PRKD2: variants seen among roughly 807,000 people sequenced by gnomAD.
PRKD2 encodes the protein protein kinase D2.
In PRKD2, 22 loss-of-function variants were observed where a neutral mutation model predicts 86.0. The observed-to-expected ratio is 0.26, with a 90% confidence interval of 0.18 to 0.37. PRKD2 has a LOEUF of 0.37. Ranked by LOEUF, PRKD2 falls within the 10% of genes least tolerant of loss-of-function variation. PRKD2 has a pLI of 1.00. For missense variants in PRKD2, 818 were observed against 1,199.2 expected (o/e 0.68, Z 4.70); for synonymous variants, 509 against 510.9 (o/e 1.00, Z 0.05).
intron 9 of PRKD2, among the ~76,000 whole-genome samples, chr19:46,694,580 G>A (rs1279300731): frequency 2.0e-5 from 3 of 152,124 alleles, no homozygotes; most frequent in Admixed American, 1.3e-4. Context: ...GGGCGACAGA[G>A]TGAGATTCCG....
chr19:46,711,727 CA>C (rs2053811895), intron 2 of PRKD2, among the ~76,000 whole-genome samples: 1 of 151,958 alleles, frequency 6.6e-6, no homozygotes, highest in Admixed American at 6.6e-5. Flanking sequence ...TATATTTTAC[CA>C]AATTAAAAAA....
In PRKD2 at chr19:46,704,638, T is replaced by G. The variant is rs763806947; in HGVS notation, c.523A>C (p.Asn175His). 6.2e-7 allele frequency: 1 copy of G among 1,607,146 alleles called. No homozygotes were observed. Among genetic ancestry groups the G allele is most frequent in the Non-Finnish European group, 8.5e-7 (1 of 1,175,850 alleles). ...QGLKCDGCGL[N>H]YHKRCAFSIP... ...CTGAAGGCACAGCGCTTGTGGTAGT[T>G]CAGCCCGCAGCCTGCAGGGGGCGCC... is the stretch of plus-strand genomic sequence containing the variant. Residue 175 changes from asparagine to histidine, a missense_variant, in exon 4 of 18, where the codon AAC (asparagine) becomes CAC (histidine). By Grantham distance (68) the Asn-to-His change is moderately conservative (BLOSUM62 1). Around this residue, in one of 5 missense-constraint regions of PRKD2, gnomAD observed 403 missense variants for 518.6 expected, o/e 0.78. Transcript: ENST00000291281.
intron 14 of PRKD2, 89 bp from the exon 15 acceptor site, chr19:46,681,837 T>C (rs1568715558): frequency 1.5e-6 from 1 of 657,350 alleles, no homozygotes; most frequent in East Asian, 3.0e-5. Context: ...AACCCATCCA[T>C]ACTTTTTTTT....
At chr19:46,690,438 C>T (rs1240303974) in intron 13 of PRKD2, among the ~76,000 whole-genome samples, 162 bp downstream of exon 13, 2 of 152,202 alleles carry the variant, frequency 1.3e-5, no homozygotes, top group East Asian at 1.9e-4. Flanking sequence ...TCCCTCTCAC[C>T]AGGTCTTTGT....
Position 46,681,645 on chromosome 19 carries a change from C to T in PRKD2, c.2070+5G>A, listed in dbSNP as rs1268056526. 7.3e-7 allele frequency: 1 copy of T among 1,363,802 alleles called. No individual in the cohort carries two copies. Among genetic ancestry groups the T allele is most frequent in the Non-Finnish European group, 9.9e-7 (1 of 1,014,854 alleles). 84.5% of individuals were successfully genotyped at this position (1,363,802 alleles called of 1,614,324 possible). On this transcript the variant is annotated splice_donor_5th_base_variant and intron_variant, in intron 15 of 17. Coordinates refer to ENST00000291281, the MANE Select transcript of PRKD2 (RefSeq NM_016457.5). ...TTCCCCAAATCAGGAGGGGACATAA[C>T]TGACCTGAGGAAATGGGTCTGCTGA...
rs1363153384 is a variant in PRKD2 at position 46,704,798 on chromosome 19, C to T, written c.512-149G>A. ...ATCTCCTCCAAAAGGCACTACTATC[C>T]GTAAGTGTATCAGCCCCTTCAGGCC... On this transcript the variant is annotated intron_variant, in intron 3 of 17. Transcript: ENST00000291281. The T allele has an allele frequency of 6.5e-6, 7 of 1,075,614 alleles. No individual in the cohort carries two copies. The Admixed American group carries it at 8.7e-5, about 13-fold the overall frequency. The allele number at this position is 1,075,614 out of a possible 1,614,324, so 66.6% of individuals were successfully genotyped here. A position where few individuals can be genotyped will look rare whatever the true frequency, so the allele number is the denominator to read the frequency against.
At chr19:46,709,870 A>G (rs1352264827) in intron 3 of PRKD2, among the ~76,000 whole-genome samples, 1 of 150,982 alleles carries the variant, frequency 6.6e-6, no homozygotes, top group African/African-American at 2.4e-5. Flanking sequence ...GATAGGATGG[A>G]TTTTTTTTTC....
intron 15 of PRKD2, 125 bp downstream of exon 15, chr19:46,681,525 T>G (rs2053306475): frequency 1.5e-6 from 1 of 676,530 alleles, no homozygotes; most frequent in South Asian, 1.9e-5. Flanking sequence ...CTCAAAATGC[T>G]GATTACAGGC....
chr19:46,688,171 T>A (rs1242511351), intron 14 of PRKD2, among the ~76,000 whole-genome samples: 1 of 152,116 alleles, frequency 6.6e-6, no homozygotes, highest in African/African-American at 2.4e-5. Flanking sequence ...ATTACGGGCA[T>A]GAGCCAGCCT....
At chr19:46,697,090 G>A (rs373892700) in intron 9 of PRKD2, 67 bp downstream of exon 9, 1 of 1,246,632 alleles carries the variant, frequency 8.0e-7, no homozygotes. Flanking sequence ...CTGGGGGTAG[G>A]AGGAGGTGTG....
chr19:46,700,657 T>C, intron 7 of PRKD2, 142 bp downstream of exon 7: 1 of 1,099,104 alleles, frequency 9.1e-7, no homozygotes, highest in Non-Finnish European at 1.3e-6. Context: ...AAAAAAATTG[T>C]AGTGCTTTAA....
At chr19:46,689,827 G>T in intron 13 of PRKD2, 129 bp from the exon 14 acceptor site, 1 of 1,086,912 alleles carries the variant, frequency 9.2e-7, no homozygotes, top group African/African-American at 1.5e-5. Flanking sequence ...CTTGGAGAGG[G>T]AAGGGGGCTT....
Position 46,674,605 on chromosome 19 carries a change from G to A in PRKD2, c.2555C>T (p.Pro852Leu). 6.2e-7 allele frequency: 1 copy of A among 1,610,194 alleles called. No homozygotes were observed. The highest frequency in any genetic ancestry group is 8.5e-7 in the Non-Finnish European group (1 of 1,179,954). Residue 852 changes from proline (P) to leucine (L), a missense_variant, in exon 18 of 18, where the codon CCC becomes CTC. By Grantham distance (98) the Pro-to-Leu change is moderately conservative. Around this residue, in one of 5 missense-constraint regions of PRKD2, gnomAD observed 132 missense variants for 146.2 expected, o/e 0.90. Coordinates refer to ENST00000291281, the MANE Select transcript of PRKD2 (RefSeq NM_016457.5). ...GGCCCCACCGAGATCCCTGTCCGTG[G>A]GCAGCCCAGACCCAGGCAGCGGATG... ...AEHPLPGSGL[P>L]TDRDLGGACP...
intron 3 of PRKD2, among the ~76,000 whole-genome samples, chr19:46,708,973 T>TTTTTTTTTTTG (rs1262420316): frequency 1.2e-5 from 1 of 83,964 alleles, no homozygotes; most frequent in Non-Finnish European, 2.8e-5. Flanking sequence ...TTGTTTGTGG[T>TTTTTTTTTTTG]TTTTTTTTTT....
chr19:46,704,068 T>A lies in PRKD2; in HGVS notation c.889+101A>T, dbSNP rs894107993. On this transcript the variant is annotated intron_variant, in intron 5 of 17. Transcript: ENST00000291281. ...TCAGGGCCCTCCCCTTCTGAGGCCC[T>A]GGGGTCCCAAGGCTCAGATCCTTGT... is the stretch of plus-strand genomic sequence containing the variant. 3.3e-6 allele frequency: 5 copies of A among 1,527,632 alleles called. No individual in the cohort carries two copies. The African/African-American group carries it at 6.9e-5, about 21-fold the overall frequency. The allele number at this position is 1,527,632 out of a possible 1,614,324, so 94.6% of individuals were successfully genotyped here.
Position 46,675,131 on chromosome 19 carries a change from G to T in PRKD2, c.2339-13C>A. On this transcript the variant is annotated splice_polypyrimidine_tract_variant and intron_variant, in intron 16 of 17. Coordinates refer to ENST00000291281, the MANE Select transcript of PRKD2 (RefSeq NM_016457.5). ...ATGAGGTCAATGGCTGCACAGGAAA[G>T]AGAAACAGGTCAAGCCCTACAGGTC... The T allele has an allele frequency of 6.2e-7, 1 of 1,604,504 alleles. No individual in the cohort carries two copies.
Position 46,689,657 on chromosome 19 carries a change from G to A in PRKD2, c.1851C>T (p.Phe617=), listed in dbSNP as rs772807911. 30 of 1,614,000 alleles carry A rather than the reference G, an allele frequency of 1.9e-5. No homozygotes were observed. Among genetic ancestry groups the A allele is most frequent in the Admixed American group, 5.0e-5 (3 of 59,990 alleles). The stretch of plus-strand genomic sequence containing the variant: ...CCACAAACACTTTCTCAGGCGTCTC[G>A]AACATGCACTCCAGGTTCACGATCC... ...HPGIVNLECM[F]ETPEKVFVVM... The change falls in exon 14 of 18, where the codon TTC becomes TTT. Residue 617 remains phenylalanine (F), a synonymous_variant. Transcript: ENST00000291281.
At chr19:46,707,459 G>A (rs1175042650) in intron 3 of PRKD2, among the ~76,000 whole-genome samples, 3 of 151,966 alleles carry the variant, frequency 2.0e-5, no homozygotes, top group African/African-American at 2.4e-5. Context: ...GAGTGGTGGT[G>A]CGCACCTGTA....
At chr19:46,698,764 A>G (rs1480155446) in intron 7 of PRKD2, among the ~76,000 whole-genome samples, 1 of 152,100 alleles carries the variant, frequency 6.6e-6, no homozygotes, top group Non-Finnish European at 1.5e-5. Context: ...GAGATTTGAG[A>G]GATTAAGTGA....
Sources: gnomAD v4.1 joint callset for allele counts (sites outside exome capture counted in the v4.1 genomes callset) on GRCh38, gnomAD v4.1.1 for gene constraint, gnomAD v4.1.1 regional missense constraint, MANE v1.5 for transcripts, NCBI Gene and HGNC (gene_info 2026-07-23, HGNC 2026-07-21) for gene names.